PARD3B: variants seen among roughly 807,000 people sequenced by gnomAD.
PARD3B encodes partitioning defective 3 homolog B.
A neutral mutation model predicts 130.2 loss-of-function variants in PARD3B; 103 were observed. That is an observed-to-expected ratio of 0.79 (90% confidence interval 0.67 to 0.93). PARD3B has a LOEUF of 0.93. Ranked by LOEUF, PARD3B falls within the 40% of genes least tolerant of loss-of-function variation. The pLI, the probability that PARD3B is intolerant of heterozygous loss-of-function variation, is 0.00. For synonymous variants in PARD3B, 583 were observed against 553.2 expected (o/e 1.05, Z -0.76); for missense variants, 1,609 against 1,499.2 (o/e 1.07, Z -1.21).
rs1167675634 is a variant in PARD3B at position 204,546,160 on chromosome 2, G to A, written c.120+41G>A. On this transcript the variant is annotated intron_variant, in intron 1 of 22. Transcript: ENST00000406610. ...AGGAGTGGGGCGCGGCTGCAGCCAA[G>A]GCACCTGCCAGGTGCGACCCGGTGG... The A allele has an allele frequency of 2.6e-6, 4 of 1,548,476 alleles. No homozygotes were observed. The Middle Eastern group carries it at 5.0e-4, about 194-fold the overall frequency.
At chr2:204,573,609 C>T (rs149553017) in intron 1 of PARD3B, among the ~76,000 whole-genome samples, 6 of 152,162 alleles carry the variant, frequency 3.9e-5, no homozygotes, top group Non-Finnish European at 7.4e-5. Flanking sequence ...AAGTAATAAG[C>T]GACAGATTCT....
chr2:205,519,477 A>G (rs1371397341), intron 21 of PARD3B, among the ~76,000 whole-genome samples: 1 of 152,164 alleles, frequency 6.6e-6, no homozygotes, highest in Non-Finnish European at 1.5e-5. Context: ...CAGCTCCTCT[A>G]TCACTTTGTT....
At chr2:204,920,244 C>G (rs935760313) in intron 2 of PARD3B, among the ~76,000 whole-genome samples, 4 of 152,126 alleles carry the variant, frequency 2.6e-5, no homozygotes, top group African/African-American at 9.7e-5. Flanking sequence ...TATACACTTT[C>G]GAGCATTGAG....
At chr2:204,972,473 A>G (rs1691793979) in intron 3 of PARD3B, among the ~76,000 whole-genome samples, 1 of 151,118 alleles carries the variant, frequency 6.6e-6, no homozygotes, top group African/African-American at 2.4e-5. Context: ...TCTTATTTCA[A>G]TTTTCTTTTT....
chr2:205,092,109 T>C (rs1364364230), intron 4 of PARD3B, among the ~76,000 whole-genome samples: 2 of 152,086 alleles, frequency 1.3e-5, no homozygotes, highest in Non-Finnish European at 2.9e-5. Context: ...GGTCAAGGTG[T>C]AAGATGCCTG....
At chr2:205,178,136 T>A (rs1201751438) in intron 13 of PARD3B, among the ~76,000 whole-genome samples, 1 of 66,482 alleles carries the variant, frequency 1.5e-5, no homozygotes, top group Non-Finnish European at 2.5e-5. Context: ...CAAAATCCCA[T>A]CTGTACTAAA....
intron 1 of PARD3B, among the ~76,000 whole-genome samples, chr2:204,615,283 C>T (rs372964849): frequency 1.2e-4 from 19 of 152,222 alleles, no homozygotes; most frequent in African/African-American, 2.9e-4. Flanking sequence ...AGTTGCAATG[C>T]GGAATCTAAA....
Position 205,440,739 on chromosome 2 carries a change from A to G in PARD3B, c.3044+67A>G. 1 of 1,454,432 alleles carries G rather than the reference A, an allele frequency of 6.9e-7. No individual in the cohort carries two copies. The highest frequency in any genetic ancestry group is 1.9e-5 in the Admixed American group (1 of 51,622). 90.1% of individuals were successfully genotyped at this position (1,454,432 alleles called of 1,614,324 possible). On this transcript the variant is annotated intron_variant, in intron 20 of 22. Coordinates refer to ENST00000406610, the MANE Select transcript of PARD3B (RefSeq NM_001302769.2). This position sits in a 1 kb window ranked among gnomAD's most constrained non-coding sequence, Gnocchi z 4.2. ...ATGTTTCAAATCATCTCTACTGCTG[A>G]AACCGATAAAAAATGTCTCCTTCAA...
intron 18 of PARD3B, among the ~76,000 whole-genome samples, chr2:205,322,243 C>G (rs1559659601): frequency 6.6e-6 from 1 of 152,280 alleles, no homozygotes; most frequent in East Asian, 1.9e-4. Flanking sequence ...GAAATTTATA[C>G]TTTGCCTAGT....
At chr2:205,479,853 T>C (rs1028846107) in intron 20 of PARD3B, among the ~76,000 whole-genome samples, 1 of 151,976 alleles carries the variant, frequency 6.6e-6, no homozygotes, top group Admixed American at 6.5e-5. Flanking sequence ...ACCTCATCAC[T>C]TGCCACTTTG....
At chr2:204,755,504 T>C (rs1269896885) in intron 2 of PARD3B, among the ~76,000 whole-genome samples, 2 of 152,068 alleles carry the variant, frequency 1.3e-5, no homozygotes, top group Non-Finnish European at 1.5e-5. Flanking sequence ...AGATTAATTA[T>C]TGGCAAAACC....
chr2:204,778,915 A>G (rs1488526416), intron 2 of PARD3B, among the ~76,000 whole-genome samples: 3 of 152,106 alleles, frequency 2.0e-5, no homozygotes, highest in Non-Finnish European at 2.9e-5. Flanking sequence ...TGCTCTTAAG[A>G]TGAAGATCAA....
intron 4 of PARD3B, among the ~76,000 whole-genome samples, chr2:205,049,185 TG>T (rs1276907009): frequency 6.6e-6 from 1 of 152,226 alleles, no homozygotes; most frequent in African/African-American, 2.4e-5. Context: ...ATTTTCACAC[TG>T]CTCTAAAGAA....
chr2:205,378,739 C>T (rs1364870212), intron 18 of PARD3B, among the ~76,000 whole-genome samples: 1 of 150,558 alleles, frequency 6.6e-6, no homozygotes, highest in Non-Finnish European at 1.5e-5. Flanking sequence ...TCAAGTGATT[C>T]TCCTGCCTCA....
At chr2:205,540,034 G>A (rs1230051992) in intron 21 of PARD3B, among the ~76,000 whole-genome samples, 1 of 152,114 alleles carries the variant, frequency 6.6e-6, no homozygotes, top group African/African-American at 2.4e-5. Context: ...TCTGGGAGAG[G>A]GTTCCTAGAA....
chr2:205,250,247 G>C (rs1169071089), intron 16 of PARD3B, among the ~76,000 whole-genome samples: 3 of 148,230 alleles, frequency 2.0e-5, no homozygotes, highest in African/African-American at 5.0e-5. Flanking sequence ...TTTTTGTTTT[G>C]ATTTACTGCT....
rs191682238 is a variant in PARD3B at position 204,722,636 on chromosome 2, A to G, written c.222+36354A>G. ...AACTCTCATCGGTTGGACAGGTATC[A>G]TGCTCTTTTTCATTTATCAATTCCA... On this transcript the variant is annotated intron_variant, in intron 2 of 22. Transcript: ENST00000406610. Among the ~76,000 whole-genome samples, 85 of 152,320 alleles carry G rather than the reference A, an allele frequency of 5.6e-4. 1 individual carries two copies. The highest frequency in any genetic ancestry group is 2.0e-3 in the African/African-American group (85 of 41,584).
intron 10 of PARD3B, among the ~76,000 whole-genome samples, chr2:205,149,955 C>T (rs2033629706): frequency 1.3e-5 from 2 of 152,148 alleles, no homozygotes; most frequent in South Asian, 2.1e-4. Context: ...ACACCCACAA[C>T]AAAAAATTAT....
intron 20 of PARD3B, among the ~76,000 whole-genome samples, chr2:205,489,147 C>G (rs574910842): frequency 6.6e-6 from 1 of 152,050 alleles, no homozygotes; most frequent in African/African-American, 2.4e-5. Flanking sequence ...TTTAAGAAAC[C>G]AAAATTATCG....
Sources: allele counts gnomAD v4.1 joint callset (sites outside exome capture counted in the v4.1 genomes callset), GRCh38; gene constraint gnomAD v4.1.1; non-coding constraint Gnocchi (gnomAD v3.1); transcripts MANE v1.5; gene names NCBI Gene and HGNC (gene_info 2026-07-23, HGNC 2026-07-21).